AUTS2: variants seen among roughly 807,000 people sequenced by gnomAD.
The protein encoded by AUTS2 is autism susceptibility gene 2 protein.
Under a neutral mutation model 112.4 loss-of-function variants are expected in AUTS2, and 17 were observed. The ratio of observed to expected loss-of-function variants is 0.15; its 90% CI spans 0.10 to 0.23. The LOEUF (loss-of-function observed/expected upper bound fraction) is 0.23. AUTS2 is among the 10% of genes least tolerant of loss of function. The pLI is 1.00. For synonymous variants in AUTS2, 751 were observed against 702.7 expected (o/e 1.07, Z -1.09); for missense variants, 1,510 against 1,701.6 (o/e 0.89, Z 1.98).
At chr7:70,711,669 A>G (rs1810057481) in intron 6 of AUTS2, among the ~76,000 whole-genome samples, 1 of 152,190 alleles carries the variant, frequency 6.6e-6, no homozygotes. Flanking sequence ...AGCTTTGGAA[A>G]TGGCATGCTA....
At chr7:69,877,359 A>C (rs1793847661) in intron 1 of AUTS2, among the ~76,000 whole-genome samples, 1 of 152,212 alleles carries the variant, frequency 6.6e-6, no homozygotes, top group African/African-American at 2.4e-5. Flanking sequence ...ACTTAGAGTA[A>C]GCACCTCATT....
At chr7:70,181,780 A>G (rs1291567055) in intron 4 of AUTS2, among the ~76,000 whole-genome samples, 1 of 111,258 alleles carries the variant, frequency 9.0e-6, no homozygotes, top group Non-Finnish European at 1.9e-5. Flanking sequence ...TGAGCCACCA[A>G]GCCCAGCTGA....
At chr7:70,122,680 A>G (rs1805745762) in intron 3 of AUTS2, among the ~76,000 whole-genome samples, 1 of 152,118 alleles carries the variant, frequency 6.6e-6, no homozygotes, top group South Asian at 2.1e-4. Context: ...TTGTTCATTA[A>G]TTATTAAAAT....
chr7:69,797,491 T>C (rs1202489949), intron 1 of AUTS2, among the ~76,000 whole-genome samples: 1 of 152,220 alleles, frequency 6.6e-6, no homozygotes, highest in Non-Finnish European at 1.5e-5. Flanking sequence ...TTTGTCCTTT[T>C]AAATTCACAT....
At chr7:70,344,746 T>A (rs1341674127) in intron 4 of AUTS2, among the ~76,000 whole-genome samples, 1 of 152,206 alleles carries the variant, frequency 6.6e-6, no homozygotes, top group Non-Finnish European at 1.5e-5. Context: ...AAAACCATTT[T>A]TTTTGGAGTG....
At chr7:69,819,360 TAATACGAAGG>T (rs1790889194) in intron 1 of AUTS2, among the ~76,000 whole-genome samples, 1 of 152,234 alleles carries the variant, frequency 6.6e-6, no homozygotes, top group Non-Finnish European at 1.5e-5. Flanking sequence ...TCATTGACTT[TAATACGAAGG>T]TATGACTAAG....
At chr7:69,847,868 C>G (rs555500478) in intron 1 of AUTS2, among the ~76,000 whole-genome samples, 1 of 152,354 alleles carries the variant, frequency 6.6e-6, no homozygotes, top group East Asian at 1.9e-4. Flanking sequence ...TGCTCTTGCT[C>G]TTGCTCTATT....
chr7:69,948,149 C>T (rs2129545661), intron 2 of AUTS2, among the ~76,000 whole-genome samples: 1 of 152,160 alleles, frequency 6.6e-6, no homozygotes, highest in East Asian at 1.9e-4. Flanking sequence ...CCAGCGGTAG[C>T]CCAGTTGCTA....
intron 5 of AUTS2, among the ~76,000 whole-genome samples, chr7:70,655,772 G>A (rs1031308433): frequency 1.3e-5 from 2 of 152,180 alleles, no homozygotes; most frequent in African/African-American, 4.8e-5. Context: ...AAGAGAAAGG[G>A]ATGGCTACTG....
At chr7:70,101,238 A>C (rs138241617) in intron 2 of AUTS2, among the ~76,000 whole-genome samples, 293 of 152,244 alleles carry the variant, frequency 1.9e-3, no homozygotes, top group African/African-American at 6.9e-3. Flanking sequence ...CATTAGTAAT[A>C]TTGATATATG....
intron 4 of AUTS2, among the ~76,000 whole-genome samples, chr7:70,252,750 G>A (rs1786667710): frequency 1.3e-5 from 2 of 152,054 alleles, no homozygotes; most frequent in South Asian, 2.1e-4. Context: ...TCCATTTTGA[G>A]TTTATTTTTG....
At chr7:69,699,046 A>G (rs1315920212) in intron 1 of AUTS2, among the ~76,000 whole-genome samples, 2 of 152,216 alleles carry the variant, frequency 1.3e-5, no homozygotes, top group Non-Finnish European at 2.9e-5. Context: ...AGGAATATAT[A>G]TGGCGAGGTG....
At chr7:70,064,445 T>C (rs1461297207) in intron 2 of AUTS2, among the ~76,000 whole-genome samples, 1 of 152,212 alleles carries the variant, frequency 6.6e-6, no homozygotes, top group Non-Finnish European at 1.5e-5. Context: ...ATACAATGGC[T>C]GCTTTTTGGC....
chr7:70,656,357 A>G (rs1489432009), intron 5 of AUTS2, among the ~76,000 whole-genome samples: 1 of 152,106 alleles, frequency 6.6e-6, no homozygotes, highest in Non-Finnish European at 1.5e-5. Context: ...AATTTCATGG[A>G]ATAGTTTAAA....
chr7:70,280,289 T>C (rs1788146968), intron 4 of AUTS2, among the ~76,000 whole-genome samples: 1 of 149,198 alleles, frequency 6.7e-6, no homozygotes, highest in African/African-American at 2.5e-5. Flanking sequence ...TCTTTCTTTT[T>C]TTTTTTTTTT....
intron 4 of AUTS2, among the ~76,000 whole-genome samples, chr7:70,305,442 A>G (rs370719039): frequency 6.6e-6 from 1 of 152,216 alleles, no homozygotes. Flanking sequence ...ATGTAGATTC[A>G]CATCTTTGAG....
intron 12 of AUTS2, chr7:70,774,474 G>A (rs546426385): frequency 7.7e-5 from 15 of 195,324 alleles, no homozygotes; most frequent in South Asian, 3.8e-4. Context: ...GCACTAAGGC[G>A]CTTTTCTTCC....
intron 1 of AUTS2, among the ~76,000 whole-genome samples, chr7:69,637,243 C>T (rs1343922198): frequency 1.3e-5 from 2 of 152,208 alleles, no homozygotes; most frequent in East Asian, 3.9e-4. Flanking sequence ...TATTTGCAAC[C>T]AATAAATTTC....
chr7:70,151,577 G>A (rs1344626241), intron 4 of AUTS2, among the ~76,000 whole-genome samples: 6 of 152,212 alleles, frequency 3.9e-5, no homozygotes, highest in East Asian at 1.9e-4. Context: ...GGGTTCAAGC[G>A]ATTCTCCTGC....
Sources: gnomAD v4.1 joint callset for allele counts (sites outside exome capture counted in the v4.1 genomes callset) on GRCh38, gnomAD v4.1.1 for gene constraint, MANE v1.5 for transcripts, NCBI Gene and HGNC (gene_info 2026-07-23, HGNC 2026-07-21) for gene names.